The following ARID5B variants were observed in gnomAD, a reference collection of about 807,000 sequenced individuals.
ARID5B encodes AT-rich interactive domain-containing protein 5B.
A neutral mutation model predicts 97.2 loss-of-function variants in ARID5B; 13 were observed. That is an observed-to-expected ratio of 0.13 (90% CI 0.09 to 0.21). The LOEUF (loss-of-function observed/expected upper bound fraction) is 0.21. Ranked by LOEUF, ARID5B falls within the 10% of genes least tolerant of loss-of-function variation. The pLI, the probability that ARID5B is intolerant of heterozygous loss-of-function variation, is 1.00. For missense variants in ARID5B, 1,210 were observed against 1,465.3 expected, an observed-to-expected ratio of 0.83 and a Z score of 2.84; for synonymous variants, 556 against 570.3, an observed-to-expected ratio of 0.97 and a Z score of 0.36.
intron 4 of ARID5B, among the ~76,000 whole-genome samples, chr10:62,006,417 G>C (rs981524237): frequency 6.6e-6 from 1 of 152,116 alleles, no homozygotes; most frequent in African/African-American, 2.4e-5. Flanking sequence ...ACTCCAGCCT[G>C]GGAAACAGAG....
chr10:61,934,938 C>T (rs182001806), intron 2 of ARID5B, among the ~76,000 whole-genome samples: 15 of 151,174 alleles, frequency 9.9e-5, no homozygotes, highest in Admixed American at 2.0e-4. Context: ...GTCTGAATCC[C>T]GGAGGCGGAG....
chr10:62,064,993 C>T (rs962724229), intron 7 of ARID5B, among the ~76,000 whole-genome samples: 20 of 152,092 alleles, frequency 1.3e-4, no homozygotes, highest in Non-Finnish European at 5.9e-5. Flanking sequence ...AGGCTGGTCT[C>T]GAACTCCTGA....
Position 62,047,333 on chromosome 10 carries a change from T to C in ARID5B, c.734-3555T>C, listed in dbSNP as rs115500496. ...CACTTAGCTACTCTTATTATTCATG[T>C]ATAATACTGAAAACATTCATGCAAA... On this transcript the variant is annotated intron_variant, in intron 4 of 9. Coordinates refer to ENST00000279873, the MANE Select transcript of ARID5B (RefSeq NM_032199.3). 2.4e-3 allele frequency among the ~76,000 whole-genome samples: 364 copies of C among 152,306 alleles called. 2 individuals are homozygous for C. The highest frequency in any genetic ancestry group is 8.4e-3 in the African/African-American group (351 of 41,566).
chr10:61,945,628 C>A (rs1257921771), intron 3 of ARID5B, among the ~76,000 whole-genome samples: 5 of 152,116 alleles, frequency 3.3e-5, no homozygotes, highest in African/African-American at 1.2e-4. Flanking sequence ...ATTGTTTATA[C>A]ATTCAGCTTT....
intron 2 of ARID5B, among the ~76,000 whole-genome samples, chr10:61,925,296 T>C (rs900707920): frequency 1.3e-5 from 2 of 152,214 alleles, no homozygotes; most frequent in Non-Finnish European, 2.9e-5. Context: ...GGCTTTATTG[T>C]TACGGTTTTT....
chr10:62,095,591 CAA>C lies in ARID5B; in HGVS notation c.*2564_*2565del. ...TGTCTGAGGAAGCTCATACCCTCGGCAAAACATCAGGACAAATAAAGAGAAAT... is the reference window on the plus strand; with the variant it reads ...TGTCTGAGGAAGCTCATACCCTCGGCAACATCAGGACAAATAAAGAGAAAT... On this transcript the variant is annotated 3_prime_UTR_variant, in exon 10 of 10. Transcript: ENST00000279873. 1 of 233,442 alleles carries C rather than the reference CAA, an allele frequency of 4.3e-6. No homozygotes were observed. Among genetic ancestry groups the C allele is most frequent in the Non-Finnish European group, 8.5e-6 (1 of 117,894 alleles). The allele number at this position is 233,442 out of a possible 1,614,324, so 14.5% of individuals were successfully genotyped here. A position where few individuals can be genotyped will look rare whatever the true frequency, so the allele number is the denominator to read the frequency against.
In ARID5B at chr10:62,013,939, G is replaced by A. The variant is rs75529509; in HGVS notation, c.733+13618G>A. On this transcript the variant is annotated intron_variant, in intron 4 of 9. Transcript: ENST00000279873. ...TGTAATGATGAAATAGGGTAATTGC[G>A]GTATCTATTACATCAAGCATTTATC... 5.3e-3 allele frequency among the ~76,000 whole-genome samples: 801 copies of A among 151,708 alleles called. 7 individuals carry two copies. The highest frequency in any genetic ancestry group is 0.018 in the African/African-American group (755 of 41,338).
At chr10:62,064,680 G>A (rs983167681) in intron 7 of ARID5B, among the ~76,000 whole-genome samples, 11 of 152,034 alleles carry the variant, frequency 7.2e-5, no homozygotes, top group South Asian at 4.1e-4. Context: ...TCTTGACCAG[G>A]TGGGCAGTGT....
chr10:61,993,225 G>A (rs1259558084), intron 3 of ARID5B, among the ~76,000 whole-genome samples: 2 of 151,908 alleles, frequency 1.3e-5, no homozygotes, highest in East Asian at 1.9e-4. Context: ...CCCCTTTGAT[G>A]TGTACTAACT....
intron 4 of ARID5B, among the ~76,000 whole-genome samples, chr10:62,040,841 C>A (rs1351526053): frequency 2.0e-5 from 3 of 152,168 alleles, no homozygotes; most frequent in Non-Finnish European, 4.4e-5. Flanking sequence ...TTCAGATACT[C>A]AAGGGACACG....
At chr10:62,016,605 A>G (rs545635198) in intron 4 of ARID5B, among the ~76,000 whole-genome samples, 76 of 152,212 alleles carry the variant, frequency 5.0e-4, no homozygotes, top group Non-Finnish European at 9.4e-4. Context: ...CCCTGCCCAT[A>G]AGTCAACCAG....
In ARID5B at chr10:62,091,248, C is replaced by T. The variant is rs777403861; in HGVS notation, c.1785C>T (p.Phe595=). The T allele has an allele frequency of 2.5e-6, 4 of 1,614,134 alleles. No individual in the cohort carries two copies. The highest frequency in any genetic ancestry group is 1.3e-5 in the African/African-American group (1 of 75,050). The change falls in exon 10 of 10, where the codon TTC becomes TTT. Residue 595 remains phenylalanine, a synonymous_variant. Transcript: ENST00000279873. Reference sequence around the variant, plus strand: ...AAAGTGAACCCCAAGAAGCATCCTTCCCCAGCTTCCCCACCACACAGCCAC... The same window carrying T: ...AAAGTGAACCCCAAGAAGCATCCTTTCCCAGCTTCCCCACCACACAGCCAC... ...SPESEPQEAS[F]PSFPTTQPPL...
At chr10:61,988,778 A>G (rs1589247995) in intron 3 of ARID5B, among the ~76,000 whole-genome samples, 1 of 152,174 alleles carries the variant, frequency 6.6e-6, no homozygotes, top group Non-Finnish European at 1.5e-5. Context: ...TATGCTGTTC[A>G]ATAAGGTAGC....
intron 3 of ARID5B, among the ~76,000 whole-genome samples, chr10:61,992,797 T>C (rs1564622156): frequency 6.6e-5 from 10 of 152,162 alleles, no homozygotes. Flanking sequence ...GTATGGCTAG[T>C]TCTGTTTTCT....
chr10:61,906,285 C>G (rs1843707181), intron 2 of ARID5B, among the ~76,000 whole-genome samples: 1 of 151,914 alleles, frequency 6.6e-6, no homozygotes, highest in Non-Finnish European at 1.5e-5. Context: ...CTTAAATTAC[C>G]ATGAAAATGA....
chr10:61,922,681 G>C lies in ARID5B; in HGVS notation c.277-17502G>C, dbSNP rs146478869. On this transcript the variant is annotated intron_variant, in intron 2 of 9. Coordinates refer to ENST00000279873, the MANE Select transcript of ARID5B (RefSeq NM_032199.3). ...TCATGTTGGCATACGGCCATGGAAA[G>C]AAGACCTAAAAATCCACATGAGAGG... Among the ~76,000 whole-genome samples, 369 of 152,344 alleles carry C rather than the reference G, an allele frequency of 2.4e-3. 2 individuals are homozygous for C. Among genetic ancestry groups the C allele is most frequent in the Non-Finnish European group, 3.1e-3 (209 of 68,026 alleles).
At chr10:61,943,000 G>A (rs1366256757) in intron 3 of ARID5B, among the ~76,000 whole-genome samples, 1 of 152,050 alleles carries the variant, frequency 6.6e-6, no homozygotes, top group African/African-American at 2.4e-5. Flanking sequence ...ACCCCTTTAA[G>A]GATAGAATTT....
At chr10:61,983,043 T>G (rs1160813908) in intron 3 of ARID5B, among the ~76,000 whole-genome samples, 1 of 152,198 alleles carries the variant, frequency 6.6e-6, no homozygotes, top group African/African-American at 2.4e-5. Context: ...AACCTCATAT[T>G]GAGGCTCCTT....
chr10:62,016,351 T>C (rs892363803), intron 4 of ARID5B, among the ~76,000 whole-genome samples: 2 of 152,268 alleles, frequency 1.3e-5, no homozygotes, highest in Admixed American at 1.3e-4. Context: ...CATTAAATTT[T>C]AAGACATCAT....
Sources: allele counts gnomAD v4.1 joint callset (sites outside exome capture counted in the v4.1 genomes callset), GRCh38; gene constraint gnomAD v4.1.1; transcripts MANE v1.5; gene names NCBI Gene and HGNC (gene_info 2026-07-23, HGNC 2026-07-21).